The following INTS2 variants were observed in gnomAD, a reference collection of about 807,000 sequenced individuals.
The protein encoded by INTS2 is integrator complex subunit 2, also known as KIAA1287.
Under a neutral mutation model 139.6 loss-of-function variants are expected in INTS2, and 57 were observed. The observed-to-expected ratio is 0.41, with a 90% confidence interval of 0.33 to 0.51. The LOEUF (loss-of-function observed/expected upper bound fraction) is 0.51. Ranked by LOEUF, INTS2 falls within the 20% of genes least tolerant of loss-of-function variation. INTS2 has a pLI of 0.28. For missense variants in INTS2, 1,196 were observed against 1,436.7 expected, an observed-to-expected ratio of 0.83 and a Z score of 2.71; for synonymous variants, 473 against 493.4, an observed-to-expected ratio of 0.96 and a Z score of 0.55.
rs1327879745 is a variant in INTS2 at position 61,868,370 on chromosome 17, T to A, written c.3245-361A>T. The stretch of plus-strand genomic sequence containing the variant: ...AAGCCAGTTAGTGGTGGGGCTGAGA[T>A]TGAATTCAGGCAGTGTAAACTCTTA... On this transcript the variant is annotated intron_variant, in intron 23 of 24. Coordinates refer to ENST00000251334, the MANE Select transcript of INTS2 (RefSeq NM_001351695.2). This position sits in a 1 kb window ranked among gnomAD's most constrained non-coding sequence, Gnocchi z 4.7. Among the ~76,000 whole-genome samples the A allele has an allele frequency of 6.6e-6, 1 of 152,118 alleles. No individual in the cohort carries two copies. The highest frequency in any genetic ancestry group is 1.5e-5 in the Non-Finnish European group (1 of 67,992).
In INTS2 at chr17:61,872,240, TA is replaced by T. The variant is rs760349047; in HGVS notation, c.2778+24del. On this transcript the variant is annotated intron_variant, in intron 20 of 24. Transcript: ENST00000251334. The surrounding 1 kb of genome is among the most constrained non-coding windows in gnomAD (Gnocchi z 4.8). ...TAGAGAAGCCCTTGCTCTTTTTGAC[TA>T]AATTTTACTTTAGCAAAATTTACCT... 1 of 1,587,952 alleles carries T rather than the reference TA, an allele frequency of 6.3e-7. No homozygotes were observed. The highest frequency in any genetic ancestry group is 1.1e-5 in the South Asian group (1 of 88,592).
chr17:61,878,431 G>A (rs1018580740), intron 17 of INTS2, among the ~76,000 whole-genome samples: 6 of 152,006 alleles, frequency 3.9e-5, no homozygotes, highest in Non-Finnish European at 8.8e-5. Flanking sequence ...AGGCGTGGTG[G>A]CAGGCACCTG....
intron 3 of INTS2, among the ~76,000 whole-genome samples, chr17:61,922,461 C>A: frequency 8.9e-6 from 1 of 112,182 alleles, no homozygotes; most frequent in African/African-American, 3.7e-5. Flanking sequence ...GAATGAGACT[C>A]CGTCTCAAAA....
At chr17:61,912,632 T>A (rs546226762) in intron 5 of INTS2, among the ~76,000 whole-genome samples, 23 of 151,910 alleles carry the variant, frequency 1.5e-4, no homozygotes, top group East Asian at 7.7e-4. Flanking sequence ...TCAAATAAAT[T>A]AATTAATTAA....
chr17:61,924,906 C>T, intron 3 of INTS2, 55 bp downstream of exon 3: 1 of 1,551,152 alleles, frequency 6.4e-7, no homozygotes, highest in South Asian at 1.2e-5. Flanking sequence ...GTCTACCTCC[C>T]TATACATAGA....
intron 9 of INTS2, among the ~76,000 whole-genome samples, chr17:61,899,206 CA>C (rs1269131872): frequency 6.6e-6 from 1 of 152,160 alleles, no homozygotes; most frequent in Admixed American, 6.6e-5. Context: ...AGAAGAAACA[CA>C]AATAATCTTT....
rs1414849516 is a variant in INTS2 at position 61,868,462 on chromosome 17, ATAT to A, written c.3245-456_3245-454del. ...AGAAAAACAACAGGGTATTATGGAA[ATAT>A]TATAATGAGAAAGAATACTAAGTTA... is the stretch of plus-strand genomic sequence containing the variant. On this transcript the variant is annotated intron_variant, in intron 23 of 24. Coordinates refer to ENST00000251334, the MANE Select transcript of INTS2 (RefSeq NM_001351695.2). The surrounding 1 kb of genome is among the most constrained non-coding windows in gnomAD (Gnocchi z 4.7). 3.3e-5 allele frequency among the ~76,000 whole-genome samples: 5 copies of A among 152,146 alleles called. No homozygotes were observed. In the East Asian group the frequency reaches 9.6e-4, roughly 29 times the overall value.
intron 16 of INTS2, among the ~76,000 whole-genome samples, chr17:61,883,170 A>G (rs2079192858): frequency 6.6e-6 from 1 of 152,214 alleles, no homozygotes; most frequent in Non-Finnish European, 1.5e-5. Flanking sequence ...TCAATAAAGT[A>G]TATCAATTGC....
chr17:61,915,121 A>G (rs1344880177), intron 5 of INTS2, among the ~76,000 whole-genome samples: 2 of 150,652 alleles, frequency 1.3e-5, no homozygotes. Flanking sequence ...GGCGATTCAC[A>G]AGGTCAGGAG....
chr17:61,922,188 T>C (rs2079648531), intron 3 of INTS2, among the ~76,000 whole-genome samples: 1 of 152,008 alleles, frequency 6.6e-6, no homozygotes, highest in African/African-American at 2.4e-5. Flanking sequence ...TATAAATTCA[T>C]GGCCAGGTGC....
At chr17:61,892,953 CAAAAAAA>C (rs58426330) in intron 13 of INTS2, among the ~76,000 whole-genome samples, 1 of 44,150 alleles carries the variant, frequency 2.3e-5, no homozygotes, top group Non-Finnish European at 3.8e-5. Context: ...GACTCCATCT[CAAAAAAA>C]AAAAAAAAAA....
At chr17:61,895,992 A>G (rs1371842522) in intron 11 of INTS2, among the ~76,000 whole-genome samples, 1 of 152,160 alleles carries the variant, frequency 6.6e-6, no homozygotes, top group Non-Finnish European at 1.5e-5. Context: ...CTGTAATCCC[A>G]GCACTTTGGG....
chr17:61,884,863 C>T, intron 16 of INTS2, 38 bp downstream of exon 16: 1 of 1,243,854 alleles, frequency 8.0e-7, no homozygotes, highest in South Asian at 1.3e-5. Context: ...GGTTTTTTAA[C>T]AATAAACTTT....
intron 16 of INTS2, among the ~76,000 whole-genome samples, chr17:61,883,784 T>A (rs2079199331): frequency 6.7e-6 from 1 of 150,070 alleles, no homozygotes; most frequent in Non-Finnish European, 1.5e-5. Flanking sequence ...AAAAGAAAAT[T>A]CCAACTTAAC....
At position 61,872,069 on chromosome 17, in the gene INTS2, T is replaced by C. The variant is rs1188038455; in HGVS notation, c.2778+196A>G. 1.1e-4 allele frequency: 46 copies of C among 412,866 alleles called. 1 individual carries two copies. Among genetic ancestry groups the C allele is most frequent in the South Asian group, 2.3e-4 (2 of 8,870 alleles). The allele number at this position is 412,866 out of a possible 1,614,324, so 25.6% of individuals were successfully genotyped here. On this transcript the variant is annotated intron_variant, in intron 20 of 24. Transcript: ENST00000251334. The surrounding 1 kb of genome is among the most constrained non-coding windows in gnomAD (Gnocchi z 4.8). Reference sequence around the variant, plus strand: ...TATTTCATTCATATCATGAAGATTATTCCTGATTTCAGAAATACAACATAT... The same window carrying C: ...TATTTCATTCATATCATGAAGATTACTCCTGATTTCAGAAATACAACATAT...
chr17:61,927,432 TG>T (rs371303793), intron 1 of INTS2: 27 of 163,196 alleles, frequency 1.7e-4, no homozygotes, highest in African/African-American at 5.8e-4. Context: ...AGCAGCAGCG[TG>T]GGTAAAAGTC....
intron 17 of INTS2, 111 bp downstream of exon 17, chr17:61,880,896 A>G: frequency 1.1e-6 from 1 of 874,534 alleles, no homozygotes; most frequent in Non-Finnish European, 1.8e-6. Flanking sequence ...TACATTCACC[A>G]AAACATTGTT....
In INTS2 at chr17:61,867,919, T is replaced by A. The variant is rs763377402; in HGVS notation, c.3335A>T (p.Asp1112Val). 1 of 1,612,714 alleles carries A rather than the reference T, an allele frequency of 6.2e-7. No individual in the cohort carries two copies. Among genetic ancestry groups the A allele is most frequent in the Admixed American group, 1.7e-5 (1 of 59,806 alleles). The change falls in exon 24 of 25, where the codon GAT (aspartate) becomes GTT (valine). Residue 1112 changes from aspartate to valine, a missense_variant. Transcript: ENST00000251334. This position sits in a 1 kb window ranked among gnomAD's most constrained non-coding sequence, Gnocchi z 5.6. ...FCRAFPPLYE[D>V]IMSLLIQIGQ... ...TATTTGGATCAGCAAAGACATAATA[T>A]CCTCATACAATGGAGGAAATGCTCG...
intron 8 of INTS2, among the ~76,000 whole-genome samples, chr17:61,905,064 A>G (rs1483607874): frequency 1.3e-5 from 2 of 151,162 alleles, no homozygotes; most frequent in Non-Finnish European, 2.9e-5. Flanking sequence ...CTCCCACGTC[A>G]GTCCTCATGT....
Sources: gnomAD v4.1 joint callset for allele counts (sites outside exome capture counted in the v4.1 genomes callset) on GRCh38, gnomAD v4.1.1 for gene constraint, Gnocchi (gnomAD v3.1) non-coding constraint, MANE v1.5 for transcripts, NCBI Gene and HGNC (gene_info 2026-07-23, HGNC 2026-07-21) for gene names.